METTL27: variants seen among roughly 807,000 people sequenced by gnomAD.
METTL27 encodes methyltransferase like 27, also known as methyltransferase-like protein 27.
A neutral mutation model predicts 24.5 loss-of-function variants in METTL27; 29 were observed. The observed-to-expected ratio is 1.18, with a 90% confidence interval of 0.88 to 1.61. The LOEUF is 1.61. Ranked by LOEUF, METTL27 falls within the 40% of genes most tolerant of loss-of-function variation. METTL27 has a pLI of 0.00. For missense variants in METTL27, 341 were observed against 324.3 expected, an observed-to-expected ratio of 1.05 and a Z score of -0.40; for synonymous variants, 138 against 146.8, an observed-to-expected ratio of 0.94 and a Z score of 0.43.
chr7:73,842,136 G>A lies in METTL27; in HGVS notation c.5C>T (p.Ala2Val), dbSNP rs1268701987. Reference protein sequence around the residue: MAQEEGGSLPEV... With the variant: MVQEEGGSLPEV... Reference sequence around the variant, plus strand: ...GGGCAGGCTCCCACCCTCCTCCTGGGCCATGCTCCTGTGGGGACACCGTTG... The same window carrying A: ...GGGCAGGCTCCCACCCTCCTCCTGGACCATGCTCCTGTGGGGACACCGTTG... The change falls in exon 2 of 6, where the codon GCC becomes GTC. Residue 2 changes from alanine to valine, a missense_variant. By Grantham distance (64) the Ala-to-Val change is moderately conservative. Transcript: ENST00000297873. 1 of 1,610,078 alleles carries A rather than the reference G, an allele frequency of 6.2e-7. No individual in the cohort carries two copies. Among genetic ancestry groups the A allele is most frequent in the African/African-American group, 1.3e-5 (1 of 74,960 alleles).
At chr7:73,836,081 TG>T (rs1289769251) in intron 5 of METTL27, among the ~76,000 whole-genome samples, 2 of 143,162 alleles carry the variant, frequency 1.4e-5, no homozygotes, top group Non-Finnish European at 3.0e-5. Context: ...GGGAGGGAGG[TG>T]GGGGGGTCAG....
intron 5 of METTL27, chr7:73,839,482 C>A (rs530964138): frequency 6.5e-6 from 1 of 152,894 alleles, no homozygotes; most frequent in Non-Finnish European, 1.5e-5. Flanking sequence ...ACGGGAAACA[C>A]ACCTGCCCGG....
rs1554636391 is a variant in METTL27, at chr7:73,841,185, AGG to A, written c.135_136del (p.Leu46AlafsTer97). The A allele has an allele frequency of 1.3e-6, 2 of 1,557,098 alleles. No homozygotes were observed. Among genetic ancestry groups the A allele is most frequent in the Non-Finnish European group, 1.7e-6 (2 of 1,159,078 alleles). On this transcript the variant is annotated frameshift_variant, in exon 3 of 6. Transcript: ENST00000297873. LOFTEE classifies it high-confidence loss of function. ...TGCGAGGCGGGGCGCACGGTACAGC[AGG>A]GTGGCCACATCCTGGGGAAAGAGTG...
At chr7:73,840,637 C>T in intron 3 of METTL27, 88 bp from the exon 4 acceptor site, 2 of 1,492,894 alleles carry the variant, frequency 1.3e-6, no homozygotes, top group Non-Finnish European at 1.8e-6. Flanking sequence ...GTGGACTCTG[C>T]ACTGAATGTG....
At chr7:73,837,845 A>AC (rs1380733775) in intron 5 of METTL27, among the ~76,000 whole-genome samples, 61 of 147,924 alleles carry the variant, frequency 4.1e-4, no homozygotes, top group African/African-American at 1.3e-3. Flanking sequence ...GTGCCTGCCC[A>AC]CCCCCCCTTT....
At chr7:73,839,149 G>C (rs1788286002) in intron 5 of METTL27, among the ~76,000 whole-genome samples, 1 of 152,204 alleles carries the variant, frequency 6.6e-6, no homozygotes, top group Non-Finnish European at 1.5e-5. Flanking sequence ...TGGGTGTGGT[G>C]GTGGGCTCCT....
At position 73,835,090 on chromosome 7, in the gene METTL27, A is replaced by G. The variant is rs1424969650; in HGVS notation, c.479-88T>C. ...CTGGGGATGGTTGTCCCTTCAAGGCAAGAAATTCGACTTAAAAGATTGGGG... is the reference window on the plus strand; with the variant it reads ...CTGGGGATGGTTGTCCCTTCAAGGCGAGAAATTCGACTTAAAAGATTGGGG... On this transcript the variant is annotated intron_variant, in intron 5 of 5. Coordinates refer to ENST00000297873, the MANE Select transcript of METTL27 (RefSeq NM_152559.3). The G allele has an allele frequency of 5.5e-6, 8 of 1,466,418 alleles. No homozygotes were observed. In the African/African-American group the frequency reaches 1.1e-4, roughly 21 times the overall value. 90.8% of individuals were successfully genotyped at this position (1,466,418 alleles called of 1,614,324 possible).
rs782188753 is a variant in METTL27 at position 73,840,162 on chromosome 7, T to C, written c.389-42A>G. On this transcript the variant is annotated intron_variant, in intron 4 of 5. Transcript: ENST00000297873. ...GGGGGTGGGGACATGGTGTGATGCT[T>C]GGAAGGTACTTTGTCTATGGTGTGG... 21 of 1,567,408 alleles carry C rather than the reference T, an allele frequency of 1.3e-5. No homozygotes were observed. In the East Asian group the frequency reaches 4.3e-4, roughly 32 times the overall value.
Position 73,840,123 on chromosome 7 carries a change from G to C in METTL27, c.389-3C>G. ...TATCAGCACCGCGTCGAAGGTCCCT[G>C]TGTGTGTGTGGGGGGGGGTGGGGAC... On this transcript the variant is annotated splice_region_variant and splice_polypyrimidine_tract_variant and intron_variant, in intron 4 of 5. Coordinates refer to ENST00000297873, the MANE Select transcript of METTL27 (RefSeq NM_152559.3). 7.2e-7 allele frequency: 1 copy of C among 1,383,052 alleles called. No homozygotes were observed. The highest frequency in any genetic ancestry group is 1.5e-5 in the South Asian group (1 of 64,652). The allele number at this position is 1,383,052 out of a possible 1,614,324, so 85.7% of individuals were successfully genotyped here.
intron 5 of METTL27, among the ~76,000 whole-genome samples, chr7:73,836,161 C>G (rs1788182989): frequency 1.1e-5 from 1 of 88,496 alleles, no homozygotes; most frequent in African/African-American, 3.7e-5. Flanking sequence ...CGGCCAGCCG[C>G]CCATCCGGGA....
chr7:73,840,035 C>A lies in METTL27; in HGVS notation c.474G>T (p.Lys158Asn). ...CNAIPELHVT[K>N]PGGLVCLTTR... ...GTTGGCTGGGCTGCTCCTCACCTGGCTTGGTGACATGTAGCTCAGGTATCG... is the reference window on the plus strand; with the variant it reads ...GTTGGCTGGGCTGCTCCTCACCTGGATTGGTGACATGTAGCTCAGGTATCG... The change falls in exon 5 of 6, where the codon AAG becomes AAT. Residue 158 changes from lysine (K) to asparagine (N), a missense_variant. Coordinates refer to ENST00000297873, the MANE Select transcript of METTL27 (RefSeq NM_152559.3). The A allele has an allele frequency of 6.2e-7, 1 of 1,605,270 alleles. No individual in the cohort carries two copies. The highest frequency in any genetic ancestry group is 8.5e-7 in the Non-Finnish European group (1 of 1,175,830).
rs1554635996 is a variant in METTL27 at position 73,840,064 on chromosome 7, T to C, written c.445A>G (p.Asn149Asp). Residue 149 changes from asparagine (N) to aspartate (D), a missense_variant, in exon 5 of 6, where the codon AAT (asparagine) becomes GAT (aspartate). Physicochemically the swap from Asn to Asp is conservative, Grantham distance 23. Transcript: ENST00000297873. ...GALSDGQVPCNAIPELHVTKP... is the reference protein window; with the variant it reads ...GALSDGQVPCDAIPELHVTKP... ...GTGACATGTAGCTCAGGTATCGCAT[T>C]GCAGGGCACCTGGCCGTCACTGAGG... is the stretch of plus-strand genomic sequence containing the variant. 6 of 1,600,174 alleles carry C rather than the reference T, an allele frequency of 3.7e-6. No homozygotes were observed. The Admixed American group carries it at 1.0e-4, about 27-fold the overall frequency.
intron 5 of METTL27, among the ~76,000 whole-genome samples, chr7:73,839,212 G>A (rs1788286985): frequency 6.6e-6 from 1 of 152,216 alleles, no homozygotes. Context: ...GAACCTGGGA[G>A]GTGAAGGTTG....
In METTL27 at chr7:73,834,694, G is replaced by T; in HGVS notation, c.*49C>A. ...AGAGGAGGCCCAGCAGATGGGCCCA[G>T]CTAAGGCCACATGGAGTCAGGGGCC... On this transcript the variant is annotated 3_prime_UTR_variant, in exon 6 of 6. Transcript: ENST00000297873. 6.4e-7 allele frequency: 1 copy of T among 1,559,066 alleles called. No individual in the cohort carries two copies. The highest frequency in any genetic ancestry group is 8.7e-7 in the Non-Finnish European group (1 of 1,144,516).
chr7:73,836,552 G>A (rs1272613810), intron 5 of METTL27, among the ~76,000 whole-genome samples: 3 of 15,552 alleles, frequency 1.9e-4, no homozygotes, highest in Admixed American at 5.9e-4. Context: ...CCCCCTGCCC[G>A]GCCAGCCCCC....
intron 5 of METTL27, among the ~76,000 whole-genome samples, chr7:73,838,391 C>A (rs1788265573): frequency 1.3e-5 from 2 of 152,332 alleles, no homozygotes; most frequent in Non-Finnish European, 2.9e-5. Flanking sequence ...AAGTGCCCTA[C>A]AGTAAGTGCC....
intron 5 of METTL27, among the ~76,000 whole-genome samples, chr7:73,837,276 C>A (rs1335032104): frequency 5.3e-5 from 5 of 95,038 alleles, no homozygotes; most frequent in Admixed American, 1.0e-4. Context: ...CAAGAATTAT[C>A]AATAAAAAAT....
chr7:73,840,672 T>C, intron 3 of METTL27, 123 bp from the exon 4 acceptor site: 1 of 1,364,296 alleles, frequency 7.3e-7, no homozygotes. Context: ...TTTTTTTAAA[T>C]TTTTGAGACA....
In METTL27 at chr7:73,834,833, C is replaced by A. The variant is rs1554634726; in HGVS notation, c.648G>T (p.Arg216Ser). Residue 216 changes from arginine to serine, a missense_variant, in exon 6 of 6, where the codon AGG becomes AGT. Coordinates refer to ENST00000297873, the MANE Select transcript of METTL27 (RefSeq NM_152559.3). Reference protein sequence around the residue: ...TAGSWLPPSWRWYPASLPRMA... With the variant: ...TAGSWLPPSWSWYPASLPRMA... ...TCCTTGGCAGAGATGCCGGATACCA[C>A]CTCCAGCTCGGAGGTAGCCAGCTCC... is the stretch of plus-strand genomic sequence containing the variant. 4 of 1,613,786 alleles carry A rather than the reference C, an allele frequency of 2.5e-6. No individual in the cohort carries two copies. Among genetic ancestry groups the A allele is most frequent in the Non-Finnish European group, 3.4e-6 (4 of 1,179,668 alleles).
Sources: gnomAD v4.1 joint callset for allele counts (sites outside exome capture counted in the v4.1 genomes callset) on GRCh38, gnomAD v4.1.1 for gene constraint, MANE v1.5 for transcripts, NCBI Gene and HGNC (gene_info 2026-07-23, HGNC 2026-07-21) for gene names.